RCOR3: variants seen among roughly 807,000 people sequenced by gnomAD.
RCOR3 encodes the protein REST corepressor 3.
RCOR3 carries 13 observed loss-of-function variants against 64.1 expected under a neutral mutation model. That is an observed-to-expected ratio of 0.20 (90% confidence interval 0.13 to 0.32). The LOEUF (loss-of-function observed/expected upper bound fraction) is 0.32, where lower values mean the gene tolerates loss of function less well. RCOR3 is among the 10% of genes least tolerant of loss of function. The pLI is 1.00. For synonymous variants in RCOR3, 215 were observed against 239.0 expected (o/e 0.90, Z 0.93); for missense variants, 489 against 701.2 (o/e 0.70, Z 3.42).
rs760350109 is a variant in RCOR3, at chr1:211,313,809, C to A, written c.*41C>A. 4 of 1,510,346 alleles carry A rather than the reference C, an allele frequency of 2.6e-6. No individual in the cohort carries two copies. Among genetic ancestry groups the A allele is most frequent in the African/African-American group, 2.7e-5 (2 of 72,984 alleles). The allele number at this position is 1,510,346 out of a possible 1,614,324, so 93.6% of individuals were successfully genotyped here. Reference sequence around the variant, plus strand: ...CAGCTGCAGTAACTTTTCACCCCATCATTATACCAGTGCTCATCTGACTGA... The same window carrying A: ...CAGCTGCAGTAACTTTTCACCCCATAATTATACCAGTGCTCATCTGACTGA... On this transcript the variant is annotated 3_prime_UTR_variant, in exon 12 of 12. Coordinates refer to ENST00000419091, the MANE Select transcript of RCOR3 (RefSeq NM_001136223.3). The surrounding 1 kb of genome is among the most constrained non-coding windows in gnomAD (Gnocchi z 4.7).
chr1:211,275,101 G>T, intron 4 of RCOR3, among the ~76,000 whole-genome samples: 1 of 151,570 alleles, frequency 6.6e-6, no homozygotes, highest in East Asian at 1.9e-4. Context: ...TGAGGGAATG[G>T]AAATTACAGA....
chr1:211,297,977 T>C (rs1270546919), intron 9 of RCOR3, among the ~76,000 whole-genome samples: 1 of 152,226 alleles, frequency 6.6e-6, no homozygotes, highest in East Asian at 1.9e-4. Context: ...GCTTTACTTA[T>C]TAATTTGGTT....
chr1:211,263,016 T>A, intron 2 of RCOR3, among the ~76,000 whole-genome samples: 1 of 92,232 alleles, frequency 1.1e-5, no homozygotes, highest in African/African-American at 4.0e-5. Flanking sequence ...ATGTTATCCC[T>A]CCCCCCTGCC....
intron 2 of RCOR3, among the ~76,000 whole-genome samples, chr1:211,261,611 C>A (rs1571750395): frequency 1.3e-5 from 2 of 152,162 alleles, no homozygotes; most frequent in African/African-American, 4.8e-5. Context: ...TTGGAAAGAG[C>A]ACATTTTGGC....
intron 9 of RCOR3, chr1:211,303,625 GA>G (rs5780635): frequency 0.96 from 145,698 of 152,358 alleles, 69,730 homozygotes; most frequent in East Asian, 1. Flanking sequence ...GGTGTCTGGA[GA>G]AAAAAATATT....
chr1:211,278,259 A>C lies in RCOR3; in HGVS notation c.641+18A>C. The C allele has an allele frequency of 1.9e-6, 3 of 1,612,996 alleles. No individual in the cohort carries two copies. The highest frequency in any genetic ancestry group is 2.5e-6 in the Non-Finnish European group (3 of 1,179,358). On this transcript the variant is annotated intron_variant, in intron 6 of 11. Transcript: ENST00000419091. ...GGTGACAGGTAGGTTGGTTACCTTC[A>C]TATAGTTACATTGTTAGGGACACTG...
intron 7 of RCOR3, among the ~76,000 whole-genome samples, chr1:211,284,140 A>G (rs905347539): frequency 6.6e-6 from 1 of 151,490 alleles, no homozygotes; most frequent in Non-Finnish European, 1.5e-5. Context: ...TGCAAGCCCT[A>G]CCTGCCGTGT....
intron 10 of RCOR3, among the ~76,000 whole-genome samples, chr1:211,308,665 TTTTTTTTG>T (rs1314613678): frequency 7.8e-5 from 2 of 25,562 alleles, no homozygotes; most frequent in African/African-American, 9.1e-5. Flanking sequence ...GGATGTGTTT[TTTTTTTTG>T]TTTTTTTTTT....
At chr1:211,311,951 T>G (rs1040961797) in intron 10 of RCOR3, among the ~76,000 whole-genome samples, 2 of 152,158 alleles carry the variant, frequency 1.3e-5, no homozygotes, top group African/African-American at 4.8e-5. Context: ...ACAATAAATA[T>G]CTCTTCTTAA....
intron 2 of RCOR3, among the ~76,000 whole-genome samples, chr1:211,261,552 G>A (rs900877141): frequency 1.2e-4 from 18 of 152,134 alleles, no homozygotes; most frequent in African/African-American, 4.1e-4. Flanking sequence ...TTGCTAGTAG[G>A]TGAATGGCAC....
At chr1:211,287,994 G>A (rs1454455637) in intron 7 of RCOR3, among the ~76,000 whole-genome samples, 1 of 152,108 alleles carries the variant, frequency 6.6e-6, no homozygotes, top group Non-Finnish European at 1.5e-5. Flanking sequence ...CAGATCACTT[G>A]AGTCTAGGAG....
At chr1:211,304,607 T>G (rs887288368) in intron 10 of RCOR3, among the ~76,000 whole-genome samples, 1 of 152,224 alleles carries the variant, frequency 6.6e-6, no homozygotes, top group Non-Finnish European at 1.5e-5. Context: ...CATACTTCCC[T>G]TAAGAGATGT....
chr1:211,285,952 A>C (rs981994898), intron 7 of RCOR3, among the ~76,000 whole-genome samples: 1 of 152,160 alleles, frequency 6.6e-6, no homozygotes, highest in Non-Finnish European at 1.5e-5. Context: ...TCTGCCTTGA[A>C]GATTATTTTA....
Position 211,289,335 on chromosome 1 carries a change from C to G in RCOR3, c.878C>G (p.Pro293Arg). 1 of 1,614,050 alleles carries G rather than the reference C, an allele frequency of 6.2e-7. No homozygotes were observed. ...GATGTGGTAGCAGTTTCCTGTAGTCCCAATGCAGCCAACACCATCCTGAGG... is the reference window on the plus strand; with the variant it reads ...GATGTGGTAGCAGTTTCCTGTAGTCGCAATGCAGCCAACACCATCCTGAGG... Reference protein sequence around the residue: ...QEDVVAVSCSPNAANTILRQL... With the variant: ...QEDVVAVSCSRNAANTILRQL... The change falls in exon 8 of 12, where the codon CCC becomes CGC. Residue 293 changes from proline (P) to arginine (R), a missense_variant. Coordinates refer to ENST00000419091, the MANE Select transcript of RCOR3 (RefSeq NM_001136223.3).
rs752471684 is a variant in RCOR3 at position 211,271,309 on chromosome 1, T to A, written c.301T>A (p.Leu101Met). 6.2e-7 allele frequency: 1 copy of A among 1,612,300 alleles called. No individual in the cohort carries two copies. Among genetic ancestry groups the A allele is most frequent in the Non-Finnish European group, 8.5e-7 (1 of 1,178,740 alleles). The change falls in exon 3 of 12, where the codon TTG becomes ATG. Residue 101 changes from leucine (L) to methionine (M), a missense_variant and splice_region_variant. By Grantham distance (15) the Leu-to-Met change is conservative. Coordinates refer to ENST00000419091, the MANE Select transcript of RCOR3 (RefSeq NM_001136223.3). ...SPYHSIPDAK[L>M]DEYIAIAKEK... ...ATATCACAGTATCCCAGATGCCAAA[T>A]GTAAGTTTTCTGAAGTTGAATGTTA...
intron 5 of RCOR3, among the ~76,000 whole-genome samples, chr1:211,277,265 A>C (rs886581645): frequency 6.6e-6 from 1 of 151,884 alleles, no homozygotes; most frequent in African/African-American, 2.4e-5. Context: ...TTCCTGCATT[A>C]AACGATTTTA....
intron 10 of RCOR3, among the ~76,000 whole-genome samples, chr1:211,305,275 C>T (rs535787679): frequency 6.6e-6 from 1 of 152,278 alleles, no homozygotes; most frequent in Non-Finnish European, 1.5e-5. Flanking sequence ...GATACTATGA[C>T]ACAGGGTGCT....
At chr1:211,259,826 CAG>C in intron 1 of RCOR3, 100 bp downstream of exon 1, 1 of 1,208,572 alleles carries the variant, frequency 8.3e-7, no homozygotes, top group South Asian at 1.6e-5. Context: ...TCCCTCCCCT[CAG>C]AGCCTGGGCG....
rs12022961 is a variant in RCOR3 at position 211,268,744 on chromosome 1, G to T, written c.224-2488G>T. 4.6e-3 allele frequency among the ~76,000 whole-genome samples: 694 copies of T among 152,128 alleles called. 14 individuals carry two copies. Among genetic ancestry groups the T allele is most frequent in the Admixed American group, 0.037 (561 of 15,274 alleles). On this transcript the variant is annotated intron_variant, in intron 2 of 11. Coordinates refer to ENST00000419091, the MANE Select transcript of RCOR3 (RefSeq NM_001136223.3). ...AATTTGGCATTTTCCTAAATTCTCA[G>T]CTCATGCTTTTGTGTCCTTTTTTAT...
Sources: gnomAD v4.1 joint callset for allele counts (sites outside exome capture counted in the v4.1 genomes callset) on GRCh38, gnomAD v4.1.1 for gene constraint, Gnocchi (gnomAD v3.1) non-coding constraint, MANE v1.5 for transcripts, NCBI Gene and HGNC (gene_info 2026-07-23, HGNC 2026-07-21) for gene names.